Variants in GRM7 observed in about 807,000 individuals in gnomAD.
The protein encoded by GRM7 is metabotropic glutamate receptor 7.
A neutral mutation model predicts 84.5 loss-of-function variants in GRM7; 35 were observed. That is an observed-to-expected ratio of 0.41 (90% CI 0.32 to 0.55). GRM7 has a LOEUF of 0.55. GRM7 is among the 20% of genes least tolerant of loss of function. The pLI, the probability that GRM7 is intolerant of heterozygous loss-of-function variation, is 0.19. For missense variants in GRM7, 1,003 were observed against 1,194.6 expected (o/e 0.84, Z 2.36); for synonymous variants, 487 against 455.1 (o/e 1.07, Z -0.89).
chr3:7,304,281 C>A (rs1292816517), intron 3 of GRM7, among the ~76,000 whole-genome samples: 1 of 135,656 alleles, frequency 7.4e-6, no homozygotes, highest in African/African-American at 2.6e-5. Context: ...AATATTGAAG[C>A]CATTGCTCCA....
At chr3:7,184,162 T>C (rs1695436754) in intron 2 of GRM7, among the ~76,000 whole-genome samples, 1 of 152,174 alleles carries the variant, frequency 6.6e-6, no homozygotes, top group Admixed American at 6.5e-5. Context: ...AGCTATTTTA[T>C]TAGGTACATA....
intron 1 of GRM7, among the ~76,000 whole-genome samples, chr3:6,874,436 C>T (rs1695233466): frequency 6.6e-6 from 1 of 152,188 alleles, no homozygotes; most frequent in Non-Finnish European, 1.5e-5. Context: ...ACCACTACCA[C>T]CATCATCATT....
At chr3:7,519,020 T>G (rs1029363911) in intron 7 of GRM7, among the ~76,000 whole-genome samples, 14 of 152,218 alleles carry the variant, frequency 9.2e-5, no homozygotes, top group African/African-American at 3.1e-4. Flanking sequence ...CAATGAGGCA[T>G]TATTCTCCCC....
intron 4 of GRM7, among the ~76,000 whole-genome samples, chr3:7,358,773 A>T (rs535975705): frequency 6.6e-6 from 1 of 152,028 alleles, no homozygotes; most frequent in African/African-American, 2.4e-5. Context: ...TTCATAATTT[A>T]TTTTTTGTGA....
At chr3:7,528,621 T>C (rs955384114) in intron 7 of GRM7, among the ~76,000 whole-genome samples, 1 of 152,110 alleles carries the variant, frequency 6.6e-6, no homozygotes, top group African/African-American at 2.4e-5. Flanking sequence ...AATTGTCAAT[T>C]TGAGATCTTT....
chr3:7,116,626 C>A (rs1443064584), intron 1 of GRM7, among the ~76,000 whole-genome samples: 5 of 152,100 alleles, frequency 3.3e-5, no homozygotes, highest in African/African-American at 1.2e-4. Context: ...CTGTACCAAG[C>A]AAAATAAATT....
chr3:7,550,609 G>GTC (rs1693420637), intron 7 of GRM7, among the ~76,000 whole-genome samples: 1 of 136,746 alleles, frequency 7.3e-6, no homozygotes, highest in Non-Finnish European at 1.6e-5. Flanking sequence ...GTGTGTGTGT[G>GTC]TGTGTGTGTA....
chr3:7,585,464 G>A (rs952455637), intron 8 of GRM7, among the ~76,000 whole-genome samples: 3 of 151,810 alleles, frequency 2.0e-5, no homozygotes, highest in Admixed American at 6.6e-5. Flanking sequence ...AGCTACTTTA[G>A]CAGGTAAATA....
chr3:7,447,649 G>C (rs891457234), intron 5 of GRM7, among the ~76,000 whole-genome samples: 6 of 151,990 alleles, frequency 3.9e-5, no homozygotes, highest in Non-Finnish European at 7.4e-5. Flanking sequence ...GCCGGGTGTG[G>C]TGTGGGGGAT....
chr3:7,196,055 G>A (rs911505578), intron 2 of GRM7, among the ~76,000 whole-genome samples: 8 of 151,970 alleles, frequency 5.3e-5, no homozygotes, highest in Non-Finnish European at 7.4e-5. Context: ...CCCACCTACA[G>A]AGAAAAAGAT....
intron 1 of GRM7, among the ~76,000 whole-genome samples, chr3:7,045,321 T>G (rs1696765241): frequency 6.6e-6 from 1 of 152,182 alleles, no homozygotes; most frequent in African/African-American, 2.4e-5. Context: ...CCTCTGCATT[T>G]GCCTGGGCAA....
chr3:7,108,120 G>A (rs540214322), intron 1 of GRM7, among the ~76,000 whole-genome samples: 1 of 152,202 alleles, frequency 6.6e-6, no homozygotes, highest in Non-Finnish European at 1.5e-5. Flanking sequence ...AATGGTGTCT[G>A]TGCTATGATT....
chr3:7,194,057 C>G (rs1040363622), intron 2 of GRM7, among the ~76,000 whole-genome samples: 3 of 152,116 alleles, frequency 2.0e-5, no homozygotes, highest in Admixed American at 6.6e-5. Flanking sequence ...AAGAGACATG[C>G]TCTCTTTACA....
chr3:7,324,440 T>A (rs953901240), intron 4 of GRM7, among the ~76,000 whole-genome samples: 1 of 152,210 alleles, frequency 6.6e-6, no homozygotes, highest in Non-Finnish European at 1.5e-5. Context: ...CTGGACCTGC[T>A]GACCTCAGCC....
Position 7,403,090 on chromosome 3 carries a change from T to A in GRM7, c.1034-11933T>A, listed in dbSNP as rs547328433. Reference sequence around the variant, plus strand: ...ACCAGGCAACATGGTTCTTCTATAGTTATTAAAAATAAAACGTGAAGCTTC... The same window carrying A: ...ACCAGGCAACATGGTTCTTCTATAGATATTAAAAATAAAACGTGAAGCTTC... On this transcript the variant is annotated intron_variant, in intron 4 of 9. Coordinates refer to ENST00000357716, the MANE Select transcript of GRM7 (RefSeq NM_000844.4). 2.8e-3 allele frequency: 1,147 copies of A among 413,180 alleles called. 22 individuals are homozygous for A. Among genetic ancestry groups the A allele is most frequent in the South Asian group, 0.02 (1,107 of 56,386 alleles). The allele number at this position is 413,180 out of a possible 1,614,324, so 25.6% of individuals were successfully genotyped here.
intron 9 of GRM7, among the ~76,000 whole-genome samples, chr3:7,683,426 G>C (rs1454285627): frequency 6.6e-6 from 1 of 152,170 alleles, no homozygotes; most frequent in Admixed American, 6.5e-5. Flanking sequence ...CAGCTGGAAA[G>C]ATTTTTTTAA....
intron 2 of GRM7, among the ~76,000 whole-genome samples, chr3:7,235,984 G>T (rs1697334984): frequency 6.6e-6 from 1 of 152,142 alleles, no homozygotes; most frequent in African/African-American, 2.4e-5. Context: ...TGGAGGCTGG[G>T]AGGTCCAGGA....
At chr3:7,667,281 AG>A (rs371956517) in intron 8 of GRM7, among the ~76,000 whole-genome samples, 35,828 of 129,894 alleles carry the variant, frequency 0.28, 5,722 homozygotes, top group African/African-American at 0.49. Flanking sequence ...AAAAAAAAAA[AG>A]AGAGAGAGAG....
chr3:7,729,042 CT>C (rs5846541), intron 9 of GRM7, among the ~76,000 whole-genome samples: 25,187 of 55,700 alleles, frequency 0.45, 2,314 homozygotes, highest in African/African-American at 0.5. Context: ...TGCCCTCAGG[CT>C]TTTTTTTTTT....
Sources: allele counts gnomAD v4.1 joint callset (sites outside exome capture counted in the v4.1 genomes callset), GRCh38; gene constraint gnomAD v4.1.1; transcripts MANE v1.5; gene names NCBI Gene and HGNC (gene_info 2026-07-23, HGNC 2026-07-21).